The following NCAM2 variants were observed in gnomAD, a reference collection of about 807,000 sequenced individuals.
The protein encoded by NCAM2 is N-CAM-2.
Under a neutral mutation model 98.1 loss-of-function variants are expected in NCAM2, and 30 were observed. The observed-to-expected ratio is 0.31, with a 90% CI of 0.23 to 0.41. NCAM2 has a LOEUF of 0.41. NCAM2 is among the 10% of genes least tolerant of loss of function. The probability of loss-of-function intolerance (pLI) is 1.00; values close to 1 mark genes in which losing one functional copy is unlikely to be tolerated. For missense variants in NCAM2, 867 were observed against 1,005.8 expected, an observed-to-expected ratio of 0.86 and a Z score of 1.87; for synonymous variants, 368 against 342.4, an observed-to-expected ratio of 1.07 and a Z score of -0.83.
At chr21:21,025,839 A>G (rs1256324604) in intron 1 of NCAM2, among the ~76,000 whole-genome samples, 4 of 152,212 alleles carry the variant, frequency 2.6e-5, no homozygotes, top group Non-Finnish European at 5.9e-5. Context: ...ACTCAGATTA[A>G]CTGATTGGCA....
chr21:21,246,446 A>G (rs73318606), intron 1 of NCAM2, among the ~76,000 whole-genome samples: 2,934 of 152,296 alleles, frequency 0.019, 93 homozygotes, highest in African/African-American at 0.067. Flanking sequence ...ATCAGAGAGA[A>G]GTAGAAAAAT....
chr21:21,492,359 T>C (rs1371003054), intron 15 of NCAM2, among the ~76,000 whole-genome samples: 1 of 151,852 alleles, frequency 6.6e-6, no homozygotes, highest in Non-Finnish European at 1.5e-5. Context: ...AAAATCCCTA[T>C]GTGTCAGAGG....
At chr21:21,411,046 ATGTGTG>A (rs376274913) in intron 10 of NCAM2, among the ~76,000 whole-genome samples, 1 of 48,742 alleles carries the variant, frequency 2.1e-5, no homozygotes, top group Non-Finnish European at 3.8e-5. Context: ...ACATATATAT[ATGTGTG>A]TGTATATATA....
chr21:21,146,703 C>T (rs1289872004), intron 1 of NCAM2, among the ~76,000 whole-genome samples: 1 of 151,872 alleles, frequency 6.6e-6, no homozygotes, highest in Non-Finnish European at 1.5e-5. Flanking sequence ...TTAATACCTT[C>T]GCAAGATTTC....
intron 1 of NCAM2, among the ~76,000 whole-genome samples, chr21:21,199,181 G>A (rs1317093534): frequency 6.6e-6 from 1 of 152,058 alleles, no homozygotes; most frequent in Non-Finnish European, 1.5e-5. Flanking sequence ...ATATCTCCAG[G>A]ATATTTTTTT....
intron 17 of NCAM2, among the ~76,000 whole-genome samples, chr21:21,536,160 T>C (rs1358849803): frequency 1.3e-5 from 2 of 152,134 alleles, no homozygotes; most frequent in East Asian, 3.8e-4. Context: ...CTCTCGTTGG[T>C]ACAATGTTTT....
intron 1 of NCAM2, among the ~76,000 whole-genome samples, chr21:21,244,631 G>A (rs753360218): frequency 1.3e-4 from 20 of 151,854 alleles, no homozygotes; most frequent in Admixed American, 5.9e-4. Context: ...GTTGGATCAC[G>A]AGGTCAAGAG....
intron 1 of NCAM2, among the ~76,000 whole-genome samples, chr21:21,157,208 A>G (rs1182705800): frequency 6.6e-6 from 1 of 152,084 alleles, no homozygotes; most frequent in Non-Finnish European, 1.5e-5. Flanking sequence ...GGAATTATAT[A>G]TTTCCCTGAA....
intron 12 of NCAM2, among the ~76,000 whole-genome samples, chr21:21,439,105 A>G (rs768188400): frequency 1.4e-5 from 2 of 147,930 alleles, no homozygotes; most frequent in Non-Finnish European, 1.5e-5. Context: ...AAATAAATAA[A>G]AATAAGTAAG....
intron 1 of NCAM2, among the ~76,000 whole-genome samples, chr21:21,126,337 T>C (rs1370332375): frequency 6.6e-6 from 1 of 151,700 alleles, no homozygotes; most frequent in African/African-American, 2.4e-5. Context: ...TCTCAGATTT[T>C]GTAACATGGT....
chr21:21,197,547 A>G (rs746160968), intron 1 of NCAM2, among the ~76,000 whole-genome samples: 1 of 152,190 alleles, frequency 6.6e-6, no homozygotes, highest in Non-Finnish European at 1.5e-5. Context: ...GCTCTGTTAA[A>G]TCTTCCAAGC....
chr21:21,120,649 G>A (rs2066652248), intron 1 of NCAM2, among the ~76,000 whole-genome samples: 2 of 151,986 alleles, frequency 1.3e-5, no homozygotes, highest in Admixed American at 6.6e-5. Context: ...ACACAGAGAG[G>A]AAGATTACTG....
At chr21:21,396,240 C>A (rs1226290862) in intron 9 of NCAM2, among the ~76,000 whole-genome samples, 2 of 151,630 alleles carry the variant, frequency 1.3e-5, no homozygotes, top group African/African-American at 4.8e-5. Flanking sequence ...AAATGGGCAA[C>A]AAATATATGT....
intron 1 of NCAM2, among the ~76,000 whole-genome samples, chr21:21,017,392 C>A (rs1270652033): frequency 4.1e-5 from 5 of 122,126 alleles, no homozygotes; most frequent in Non-Finnish European, 6.3e-5. Context: ...CGCCACTGCA[C>A]TCCAGCCTGG....
intron 5 of NCAM2, among the ~76,000 whole-genome samples, chr21:21,318,337 T>G (rs1461917385): frequency 2.0e-5 from 3 of 152,152 alleles, no homozygotes; most frequent in Non-Finnish European, 1.5e-5. Context: ...GGCCTTTTAT[T>G]TAATTATTAT....
At chr21:21,118,000 T>C (rs189196861) in intron 1 of NCAM2, among the ~76,000 whole-genome samples, 5 of 152,332 alleles carry the variant, frequency 3.3e-5, no homozygotes, top group Admixed American at 3.3e-4. Context: ...GAAATAACTT[T>C]CCATTTAGTT....
At chr21:21,392,656 A>G (rs931669941) in intron 9 of NCAM2, among the ~76,000 whole-genome samples, 1 of 152,100 alleles carries the variant, frequency 6.6e-6, no homozygotes, top group Non-Finnish European at 1.5e-5. Flanking sequence ...CTGATGTGAG[A>G]TGGGTATCTC....
intron 1 of NCAM2, among the ~76,000 whole-genome samples, chr21:21,238,380 A>G (rs530898635): frequency 6.6e-6 from 1 of 152,318 alleles, no homozygotes; most frequent in African/African-American, 2.4e-5. Flanking sequence ...GCTTAGCCAA[A>G]CAGTATTTAT....
intron 11 of NCAM2, among the ~76,000 whole-genome samples, chr21:21,425,755 T>C (rs1009637566): frequency 3.0e-4 from 45 of 152,178 alleles, no homozygotes; most frequent in African/African-American, 1.1e-3. Flanking sequence ...TAATTTGGAT[T>C]TGGCAATTGG....
Sources: gnomAD v4.1 joint callset for allele counts (sites outside exome capture counted in the v4.1 genomes callset) on GRCh38, gnomAD v4.1.1 for gene constraint, MANE v1.5 for transcripts, NCBI Gene and HGNC (gene_info 2026-07-23, HGNC 2026-07-21) for gene names.